The following DCLK2 variants were observed in gnomAD, a reference collection of about 807,000 sequenced individuals.
DCLK2 encodes doublecortin like kinase 2, also known as serine/threonine-protein kinase DCLK2.
In DCLK2, 31 loss-of-function variants were observed where a neutral mutation model predicts 78.4. The observed-to-expected ratio is 0.40, with a 90% confidence interval of 0.30 to 0.53. The LOEUF (loss-of-function observed/expected upper bound fraction) is 0.53, where lower values mean the gene tolerates loss of function less well. Among genes scored for constraint, DCLK2 ranks in the 20% least tolerant of loss-of-function variants. DCLK2 has a pLI of 0.61. For synonymous variants in DCLK2, 407 were observed against 374.9 expected (o/e 1.09, Z -0.99); for missense variants, 872 against 973.7 (o/e 0.90, Z 1.39).
rs144642656 is a variant in DCLK2 at position 150,091,603 on chromosome 4, G to A, written c.422-10875G>A. On this transcript the variant is annotated intron_variant, in intron 1 of 15. Transcript: ENST00000296550. The stretch of plus-strand genomic sequence containing the variant: ...TCTGCCACAAATGTCAAGACAGTTT[G>A]TAATTACAAACTAGTTAGTTGTGTT... Among the ~76,000 whole-genome samples, 1,016 of 152,310 alleles carry A rather than the reference G, an allele frequency of 6.7e-3. 9 individuals are homozygous for A. The highest frequency in any genetic ancestry group is 0.021 in the African/African-American group (875 of 41,556).
At chr4:150,193,094 C>A in intron 2 of DCLK2, 44 bp from the exon 3 acceptor site, 1 of 1,199,424 alleles carries the variant, frequency 8.3e-7, no homozygotes, top group Non-Finnish European at 1.2e-6. Flanking sequence ...CATTTCACTT[C>A]TAATGTGTCT....
intron 2 of DCLK2, among the ~76,000 whole-genome samples, chr4:150,163,491 G>T (rs937985094): frequency 6.6e-6 from 1 of 152,048 alleles, no homozygotes; most frequent in Non-Finnish European, 1.5e-5. Flanking sequence ...ACATTATAGA[G>T]GAGTTCAAAG....
intron 5 of DCLK2, among the ~76,000 whole-genome samples, chr4:150,210,340 C>T (rs1179976812): frequency 6.6e-6 from 1 of 152,150 alleles, no homozygotes. Flanking sequence ...AAAAAACTAA[C>T]ATGCAGTAGC....
intron 2 of DCLK2, among the ~76,000 whole-genome samples, chr4:150,155,245 A>T (rs1735186557): frequency 6.6e-6 from 1 of 152,202 alleles, no homozygotes; most frequent in South Asian, 2.1e-4. Flanking sequence ...AAGTAAAAAT[A>T]CGTAACAGTA....
chr4:150,208,902 T>C (rs1740077775), intron 5 of DCLK2, among the ~76,000 whole-genome samples: 1 of 152,066 alleles, frequency 6.6e-6, no homozygotes, highest in Non-Finnish European at 1.5e-5. Flanking sequence ...TCAAGATGGG[T>C]ATAGATTGGA....
At chr4:150,156,833 A>G (rs1231775688) in intron 2 of DCLK2, among the ~76,000 whole-genome samples, 1 of 151,308 alleles carries the variant, frequency 6.6e-6, no homozygotes. Context: ...GCTGGAGTGC[A>G]GTGGTGTGAT....
intron 2 of DCLK2, among the ~76,000 whole-genome samples, chr4:150,172,201 T>C (rs1354467382): frequency 6.6e-6 from 1 of 152,180 alleles, no homozygotes; most frequent in Non-Finnish European, 1.5e-5. Context: ...GAAATGGAAA[T>C]GCTCTTTGAT....
intron 1 of DCLK2, among the ~76,000 whole-genome samples, chr4:150,091,769 ATGTGTGTGTGTGTGTGTG>A (rs57146406): frequency 1.1e-4 from 13 of 117,110 alleles, no homozygotes; most frequent in African/African-American, 3.6e-4. Context: ...AGGAACATTT[ATGTGTGTGTGTGTGTGTG>A]TGTGTGTGTG....
At chr4:150,153,547 A>G (rs1290956096) in intron 2 of DCLK2, among the ~76,000 whole-genome samples, 1 of 142,872 alleles carries the variant, frequency 7.0e-6, no homozygotes, top group Admixed American at 7.0e-5. Flanking sequence ...GCTGGGAACT[A>G]CATGCATGTG....
intron 10 of DCLK2, among the ~76,000 whole-genome samples, chr4:150,237,734 A>G (rs1742615554): frequency 6.6e-6 from 1 of 152,228 alleles, no homozygotes; most frequent in Non-Finnish European, 1.5e-5. Context: ...CTTATCTTGA[A>G]AAAACATCAT....
chr4:150,194,822 A>G (rs1434242164), intron 3 of DCLK2, among the ~76,000 whole-genome samples: 1 of 152,072 alleles, frequency 6.6e-6, no homozygotes, highest in Non-Finnish European at 1.5e-5. Flanking sequence ...CCAAACAAAT[A>G]CAGTGATACC....
rs1475584364 is a variant in DCLK2 at position 150,232,406 on chromosome 4, G to A, written c.1369G>A (p.Glu457Lys). 1.6e-5 allele frequency: 26 copies of A among 1,613,960 alleles called. No individual in the cohort carries two copies. Among genetic ancestry groups the A allele is most frequent in the East Asian group, 4.5e-5 (2 of 44,900 alleles). ...ACATCCCAATATCATTATGCTGGTC[G>A]AGGAGATGGAAACAGCAACTGAGCT... is the stretch of plus-strand genomic sequence containing the variant. ...VKHPNIIMLV[E>K]EMETATELFL... Residue 457 changes from glutamate (E) to lysine (K), a missense_variant, in exon 9 of 16, where the codon GAG (glutamate) becomes AAG (lysine). Transcript: ENST00000296550.
At chr4:150,245,825 C>T (rs551693545) in intron 12 of DCLK2, among the ~76,000 whole-genome samples, 38 of 152,264 alleles carry the variant, frequency 2.5e-4, no homozygotes, top group South Asian at 2.5e-3. Context: ...TAAACTAGTT[C>T]AACCATTGTG....
At chr4:150,229,700 T>G (rs1475639753) in intron 8 of DCLK2, among the ~76,000 whole-genome samples, 1 of 152,172 alleles carries the variant, frequency 6.6e-6, no homozygotes, top group Non-Finnish European at 1.5e-5. Flanking sequence ...GCAGTGTCCT[T>G]TGCCAAGTTA....
chr4:150,127,970 A>G (rs958428100), intron 2 of DCLK2, among the ~76,000 whole-genome samples: 1 of 152,238 alleles, frequency 6.6e-6, no homozygotes, highest in African/African-American at 2.4e-5. Flanking sequence ...ACCTAAGTGC[A>G]ATGAACTTGG....
rs766686649 is a variant in DCLK2, at chr4:150,253,853, C to T, written c.2074-2167C>T. On this transcript the variant is annotated intron_variant, in intron 15 of 15. Transcript: ENST00000296550. ...CCCACTTAGGTGAAAAGTGGCTTTT[C>T]GGAAAGAGCAGCTTAAGATGGTGCC... 14 of 985,336 alleles carry T rather than the reference C, an allele frequency of 1.4e-5. No individual in the cohort carries two copies. The South Asian group carries it at 1.9e-4, about 13-fold the overall frequency. 61.0% of individuals were successfully genotyped at this position (985,336 alleles called of 1,614,324 possible).
At chr4:150,244,355 A>G (rs985849707) in intron 12 of DCLK2, among the ~76,000 whole-genome samples, 2 of 152,226 alleles carry the variant, frequency 1.3e-5, no homozygotes, top group Non-Finnish European at 2.9e-5. Context: ...GTCACTGACA[A>G]AAAGTATTAT....
At chr4:150,187,720 G>A (rs1738059629) in intron 2 of DCLK2, among the ~76,000 whole-genome samples, 1 of 152,092 alleles carries the variant, frequency 6.6e-6, no homozygotes, top group South Asian at 2.1e-4. Flanking sequence ...CTTTAAATGG[G>A]TGGAGGCTGA....
In DCLK2 at chr4:150,157,516, TGTTTG is replaced by T. The variant is rs749799424; in HGVS notation, c.757-35621_757-35617del. 1.7e-3 allele frequency among the ~76,000 whole-genome samples: 248 copies of T among 149,392 alleles called. 4 individuals carry two copies. The highest frequency in any genetic ancestry group is 5.6e-3 in the East Asian group (28 of 4,960). The stretch of plus-strand genomic sequence containing the variant: ...TTGTTTGTTTGTTTGTTTGTTTGTT[TGTTTG>T]TTTGTTTTTGAGCTGGAGTCTCTCT... On this transcript the variant is annotated intron_variant, in intron 2 of 15. Transcript: ENST00000296550.
Sources: gnomAD v4.1 joint callset for allele counts (sites outside exome capture counted in the v4.1 genomes callset) on GRCh38, gnomAD v4.1.1 for gene constraint, MANE v1.5 for transcripts, NCBI Gene and HGNC (gene_info 2026-07-23, HGNC 2026-07-21) for gene names.